BRD4: variants seen among roughly 807,000 people sequenced by gnomAD.
BRD4 encodes the protein bromodomain containing 4.
A neutral mutation model predicts 142.1 loss-of-function variants in BRD4; 16 were observed. The observed-to-expected ratio is 0.11, with a 90% CI of 0.08 to 0.17. The LOEUF (loss-of-function observed/expected upper bound fraction) is 0.17, where lower values mean the gene tolerates loss of function less well. BRD4 is among the 10% of genes least tolerant of loss of function. The pLI is 1.00. For missense variants in BRD4, 1,424 were observed against 1,810.9 expected, an observed-to-expected ratio of 0.79 and a Z score of 3.88; for synonymous variants, 833 against 707.5, an observed-to-expected ratio of 1.18 and a Z score of -2.82.
At chr19:15,285,862 GGA>G (rs2047736103) in intron 1 of BRD4, among the ~76,000 whole-genome samples, 1 of 152,186 alleles carries the variant, frequency 6.6e-6, no homozygotes, top group African/African-American at 2.4e-5. Flanking sequence ...AAGCACAGCA[GGA>G]GAGACACCTG....
In BRD4 at chr19:15,277,337, C is replaced by G. The variant is rs563754224; in HGVS notation, c.-34-4204G>C. 1.8e-4 allele frequency among the ~76,000 whole-genome samples: 28 copies of G among 152,324 alleles called. No individual in the cohort carries two copies. In the East Asian group the frequency reaches 5.4e-3, roughly 29 times the overall value. Reference sequence around the variant, plus strand: ...GTTAGACAATGCTGTAGTTCCCAAACTGAGTGCCCAGGTGCCTTGGGGATG... The same window carrying G: ...GTTAGACAATGCTGTAGTTCCCAAAGTGAGTGCCCAGGTGCCTTGGGGATG... On this transcript the variant is annotated intron_variant, in intron 1 of 19. Coordinates refer to ENST00000679869, the MANE Select transcript of BRD4 (RefSeq NM_001379291.1).
chr19:15,243,142 G>GGTGGCGGCTGCTGCT lies in BRD4; in HGVS notation c.2912_2926dup (p.Gln971_Pro975dup), dbSNP rs2047253357. On this transcript the variant is annotated inframe_insertion, in exon 14 of 20. Coordinates refer to ENST00000679869, the MANE Select transcript of BRD4 (RefSeq NM_001379291.1). Reference sequence around the variant, plus strand: ...AGGCTGGGGCTGGGGTGGTGGGGGTGGTGGCGGCTGCTGCTGCAGCTGCTG... The same window carrying GGTGGCGGCTGCTGCT: ...AGGCTGGGGCTGGGGTGGTGGGGGTGGTGGCGGCTGCTGCTGTGGCGGCTGCTGCTGCAGCTGCTG... The GGTGGCGGCTGCTGCT allele has an allele frequency of 8.4e-7, 1 of 1,184,452 alleles. No individual in the cohort carries two copies. Among genetic ancestry groups the GGTGGCGGCTGCTGCT allele is most frequent in the Non-Finnish European group, 1.1e-6 (1 of 870,388 alleles). The allele number at this position is 1,184,452 out of a possible 1,614,324, so 73.4% of individuals were successfully genotyped here.
At chr19:15,263,300 C>A in intron 7 of BRD4, 120 bp downstream of exon 7, 1 of 1,282,428 alleles carries the variant, frequency 7.8e-7, no homozygotes, top group South Asian at 1.5e-5. Flanking sequence ...TCTAAAGCAA[C>A]ATGGCATTAT....
intron 1 of BRD4, among the ~76,000 whole-genome samples, chr19:15,279,807 TTCTA>T (rs2047687681): frequency 6.6e-6 from 1 of 152,190 alleles, no homozygotes; most frequent in Non-Finnish European, 1.5e-5. Flanking sequence ...GTATTTGCAG[TTCTA>T]CCTGAAGTCC....
Position 15,242,969 on chromosome 19 carries a change from C to A in BRD4, c.3100G>T (p.Ala1034Ser), listed in dbSNP as rs1394930936. The A allele has an allele frequency of 1.9e-6, 3 of 1,573,142 alleles. No homozygotes were observed. The change falls in exon 14 of 20, where the codon GCC (alanine) becomes TCC (serine). Residue 1034 changes from alanine (A) to serine (S), a missense_variant. By Grantham distance (99) the Ala-to-Ser change is moderately conservative (BLOSUM62 1). Coordinates refer to ENST00000679869, the MANE Select transcript of BRD4 (RefSeq NM_001379291.1). ...PGQQPPPPQP[A>S]KPQQVIQHHH... is the part of the protein sequence containing the mutation. Reference sequence around the variant, plus strand: ...TGCTGGATGACTTGCTGAGGCTTGGCAGGCTGCGGCGGGGGTGGCTGCTGG... The same window carrying A: ...TGCTGGATGACTTGCTGAGGCTTGGAAGGCTGCGGCGGGGGTGGCTGCTGG...
At chr19:15,253,527 A>C in intron 11 of BRD4, 1 of 1,511,714 alleles carries the variant, frequency 6.6e-7, no homozygotes, top group Non-Finnish European at 8.9e-7. Context: ...GGGACACGCA[A>C]GTCCAGGTGC....
At chr19:15,303,741 CCTAT>C (rs1200100931) in intron 1 of BRD4, among the ~76,000 whole-genome samples, 9 of 152,154 alleles carry the variant, frequency 5.9e-5, no homozygotes, top group Non-Finnish European at 1.3e-4. Flanking sequence ...GAATACAGAA[CCTAT>C]CTGCCAACTT....
chr19:15,315,176 T>G (rs2048006192), intron 1 of BRD4, among the ~76,000 whole-genome samples: 1 of 152,090 alleles, frequency 6.6e-6, no homozygotes, highest in Non-Finnish European at 1.5e-5. Flanking sequence ...CCCACAGGTA[T>G]TCAGAGCCAA....
At chr19:15,256,585 A>G (rs1052245434) in intron 8 of BRD4, among the ~76,000 whole-genome samples, 1 of 152,208 alleles carries the variant, frequency 6.6e-6, no homozygotes, top group Non-Finnish European at 1.5e-5. Flanking sequence ...AATCTAAGTA[A>G]GAGCACACGG....
Position 15,267,534 on chromosome 19 carries a change from G to A in BRD4, c.441C>T (p.Val147=). ...GCTTTTCCAGAGCTTCTGCCATTAA[G>A]ACTATGTCATCTCCAGGCTGGATAA... ...YIYNKPGDDI[V]LMAEALEKLF... The change falls in exon 4 of 20, where the codon GTC becomes GTT. Residue 147 remains valine, a synonymous_variant. Coordinates refer to ENST00000679869, the MANE Select transcript of BRD4 (RefSeq NM_001379291.1). The A allele has an allele frequency of 6.2e-7, 1 of 1,613,610 alleles. No individual in the cohort carries two copies. The highest frequency in any genetic ancestry group is 8.5e-7 in the Non-Finnish European group (1 of 1,180,018).
chr19:15,306,327 G>A (rs1007414913), intron 1 of BRD4, among the ~76,000 whole-genome samples: 7 of 152,164 alleles, frequency 4.6e-5, no homozygotes, highest in Admixed American at 3.3e-4. Flanking sequence ...GGAGTGCAGT[G>A]GCATGATCAC....
intron 1 of BRD4, among the ~76,000 whole-genome samples, chr19:15,278,105 CAAAAAAAAAAAAAAA>C (rs59204229): frequency 8.2e-4 from 45 of 55,042 alleles, no homozygotes; most frequent in Non-Finnish European, 1.1e-3. Flanking sequence ...GACTCCGTCT[CAAAAAAAAAAAAAAA>C]AAAAAAAAAA....
At chr19:15,248,056 C>T (rs1477027017) in intron 11 of BRD4, 1 of 209,128 alleles carries the variant, frequency 4.8e-6, no homozygotes, top group Admixed American at 6.1e-5. Context: ...AGAAGGCAGG[C>T]CTCTAGGAAG....
At position 15,251,727 on chromosome 19, in the gene BRD4, C is replaced by T. The variant is rs185509489; in HGVS notation, c.2158+2425G>A. ...TGTGGGTTCCCATTTCGGGATCTGCCGTACGAAACCCTCGCAGCGGCCCCT... is the reference window on the plus strand; with the variant it reads ...TGTGGGTTCCCATTTCGGGATCTGCTGTACGAAACCCTCGCAGCGGCCCCT... On this transcript the variant is annotated intron_variant, in intron 11 of 19. Coordinates refer to ENST00000679869, the MANE Select transcript of BRD4 (RefSeq NM_001379291.1). 3.3e-3 allele frequency among the ~76,000 whole-genome samples: 501 copies of T among 152,260 alleles called. 3 individuals carry two copies. The highest frequency in any genetic ancestry group is 5.1e-3 in the Admixed American group (78 of 15,302).
chr19:15,271,429 T>C lies in BRD4; in HGVS notation c.285+1386A>G, dbSNP rs189672726. Among the ~76,000 whole-genome samples, 152 of 152,160 alleles carry C rather than the reference T, an allele frequency of 1.0e-3. 3 individuals carry two copies. The highest frequency in any genetic ancestry group is 6.5e-4 in the Admixed American group (10 of 15,276). On this transcript the variant is annotated intron_variant, in intron 2 of 19. Coordinates refer to ENST00000679869, the MANE Select transcript of BRD4 (RefSeq NM_001379291.1). ...CAGGATGATCAGGTCGGAATCCTCA[T>C]CTCTTTGACCTCCCTGTAGCTTCTG... is the stretch of plus-strand genomic sequence containing the variant.
intron 7 of BRD4, among the ~76,000 whole-genome samples, chr19:15,258,803 G>A (rs760220426): frequency 2.0e-5 from 3 of 152,090 alleles, no homozygotes; most frequent in Non-Finnish European, 4.4e-5. Context: ...TGCCCAGGCT[G>A]GTCTCCAACT....
chr19:15,260,485 C>T (rs980232596), intron 7 of BRD4, among the ~76,000 whole-genome samples: 2 of 152,244 alleles, frequency 1.3e-5, no homozygotes, highest in African/African-American at 4.8e-5. Context: ...GAGAAGCCTG[C>T]TCTGGAACCC....
At chr19:15,270,394 C>T (rs1315740131) in intron 2 of BRD4, among the ~76,000 whole-genome samples, 3 of 152,204 alleles carry the variant, frequency 2.0e-5, no homozygotes, top group Non-Finnish European at 4.4e-5. Context: ...CACACCCAGG[C>T]ACCTTAGGCA....
intron 7 of BRD4, among the ~76,000 whole-genome samples, chr19:15,262,560 T>G (rs78973018): frequency 4.7e-5 from 4 of 84,832 alleles, no homozygotes; most frequent in Admixed American, 1.2e-4. Context: ...AAAAAGAAAA[T>G]AAACGAGGCA....
Sources: gnomAD v4.1 joint callset for allele counts (sites outside exome capture counted in the v4.1 genomes callset) on GRCh38, gnomAD v4.1.1 for gene constraint, MANE v1.5 for transcripts, NCBI Gene and HGNC (gene_info 2026-07-23, HGNC 2026-07-21) for gene names.